Variants in SORCS3 observed in about 807,000 individuals in gnomAD.
SORCS3 encodes sortilin related VPS10 domain containing receptor 3.
SORCS3 carries 57 observed loss-of-function variants against 146.3 expected under a neutral mutation model. The ratio of observed to expected loss-of-function variants is 0.39; its 90% CI spans 0.31 to 0.49. SORCS3 has a LOEUF of 0.49. Ranked by LOEUF, SORCS3 falls within the 20% of genes least tolerant of loss-of-function variation. SORCS3 has a pLI of 0.92. For missense variants in SORCS3, 1,341 were observed against 1,575.5 expected (o/e 0.85, Z 2.52); for synonymous variants, 653 against 618.5 (o/e 1.06, Z -0.83).
At chr10:104,725,668 G>A (rs1294595567) in intron 1 of SORCS3, among the ~76,000 whole-genome samples, 3 of 152,032 alleles carry the variant, frequency 2.0e-5, no homozygotes, top group African/African-American at 4.8e-5. Flanking sequence ...CTCAAGCCTC[G>A]GCAATGGCGG....
chr10:104,946,539 G>A (rs375529477), intron 3 of SORCS3, among the ~76,000 whole-genome samples: 3 of 152,176 alleles, frequency 2.0e-5, no homozygotes, highest in African/African-American at 7.2e-5. Context: ...AGGAGGCAGG[G>A]CACACAAAAC....
At chr10:104,670,145 G>T (rs1589452517) in intron 1 of SORCS3, among the ~76,000 whole-genome samples, 1 of 151,976 alleles carries the variant, frequency 6.6e-6, no homozygotes, top group East Asian at 1.9e-4. Context: ...TGTATGATTT[G>T]CAAATATTTT....
chr10:104,815,703 T>C (rs2017790024), intron 1 of SORCS3, among the ~76,000 whole-genome samples: 1 of 152,072 alleles, frequency 6.6e-6, no homozygotes, highest in Non-Finnish European at 1.5e-5. Flanking sequence ...GCAAAATCAA[T>C]ACATAAAACA....
chr10:104,860,964 G>A (rs908029079), intron 2 of SORCS3, among the ~76,000 whole-genome samples: 13 of 152,152 alleles, frequency 8.5e-5, no homozygotes, highest in African/African-American at 3.1e-4. Context: ...GAAGACCCAG[G>A]TGCAAAGCCT....
intron 3 of SORCS3, among the ~76,000 whole-genome samples, chr10:104,920,507 C>G (rs1057279106): frequency 1.3e-5 from 2 of 152,178 alleles, no homozygotes; most frequent in African/African-American, 4.8e-5. Context: ...AGAGTTTTAT[C>G]CACATGATCT....
chr10:104,919,831 C>CA (rs1166444345), intron 3 of SORCS3, among the ~76,000 whole-genome samples: 1 of 152,184 alleles, frequency 6.6e-6, no homozygotes, highest in Admixed American at 6.5e-5. Context: ...TTGATGTTGA[C>CA]AGTGCACACG....
Position 104,651,551 on chromosome 10 carries a change from A to AG in SORCS3, c.627+9597_627+9598insG, listed in dbSNP as rs993429186. The stretch of plus-strand genomic sequence containing the variant: ...GCTCTACTAAAAAAAAAAAAAAAAA[A>AG]AAACACAAAAATTAGCTGGTGGCAC... On this transcript the variant is annotated intron_variant, in intron 1 of 26. Coordinates refer to ENST00000369701, the MANE Select transcript of SORCS3 (RefSeq NM_014978.3). Among the ~76,000 whole-genome samples, 47 of 151,094 alleles carry AG rather than the reference A, an allele frequency of 3.1e-4. No individual in the cohort carries two copies. In the South Asian group the frequency reaches 3.4e-3, roughly 11 times the overall value.
At chr10:105,176,067 T>C (rs2056399411) in intron 13 of SORCS3, among the ~76,000 whole-genome samples, 1 of 152,294 alleles carries the variant, frequency 6.6e-6, no homozygotes, top group African/African-American at 2.4e-5. Flanking sequence ...ACCCAACTTA[T>C]GAGTGCCAGT....
chr10:105,204,052 C>T (rs1268297758), intron 16 of SORCS3, among the ~76,000 whole-genome samples: 1 of 152,082 alleles, frequency 6.6e-6, no homozygotes, highest in African/African-American at 2.4e-5. Context: ...CTGTCAGAAT[C>T]CATCTATAAG....
intron 2 of SORCS3, 104 bp from the exon 3 acceptor site, chr10:104,915,729 G>A: frequency 1.1e-6 from 1 of 902,222 alleles, no homozygotes; most frequent in South Asian, 1.4e-5. Flanking sequence ...TATGATTCGG[G>A]AAGAAAGGTG....
intron 5 of SORCS3, among the ~76,000 whole-genome samples, chr10:105,082,383 A>G (rs2055631750): frequency 6.6e-6 from 1 of 152,232 alleles, no homozygotes; most frequent in African/African-American, 2.4e-5. Context: ...ACAGGCAGGA[A>G]AGTATATTAG....
In SORCS3 at chr10:105,139,446, C is replaced by G. The variant is rs781420131; in HGVS notation, c.1262C>G (p.Ala421Gly). The change falls in exon 8 of 27, where the codon GCC becomes GGC. Residue 421 changes from alanine to glycine, a missense_variant. By Grantham distance (60) the Ala-to-Gly change is moderately conservative (BLOSUM62 0). Transcript: ENST00000369701. ...TACTACGTGTCTTATCGAAGAGAGGCCTTTGCTCAGATAAAGCTGCCTAAG... is the reference window on the plus strand; with the variant it reads ...TACTACGTGTCTTATCGAAGAGAGGGCTTTGCTCAGATAAAGCTGCCTAAG... ...ASYYVSYRRE[A>G]FAQIKLPKYS... The G allele has an allele frequency of 1.9e-6, 3 of 1,613,482 alleles. No individual in the cohort carries two copies. The highest frequency in any genetic ancestry group is 1.7e-6 in the Non-Finnish European group (2 of 1,179,652).
intron 1 of SORCS3, among the ~76,000 whole-genome samples, chr10:104,804,905 C>T (rs574703633): frequency 1.2e-4 from 19 of 152,192 alleles, no homozygotes; most frequent in Non-Finnish European, 2.6e-4. Flanking sequence ...GCTAGATACT[C>T]TGAGGTTTCA....
In SORCS3 at chr10:104,867,826, G is replaced by C. The variant is rs916438676; in HGVS notation, c.695+24967G>C. On this transcript the variant is annotated intron_variant, in intron 2 of 26. Transcript: ENST00000369701. ...GTGAGTGAAGATAGTGTTTGCTGTG[G>C]CTCATTTCAATGTGGTACAGAGATA... Among the ~76,000 whole-genome samples the C allele has an allele frequency of 2.6e-5, 4 of 152,154 alleles. No homozygotes were observed. In the East Asian group the frequency reaches 7.7e-4, roughly 29 times the overall value.
At chr10:105,028,086 T>C (rs1340156428) in intron 4 of SORCS3, among the ~76,000 whole-genome samples, 1 of 152,214 alleles carries the variant, frequency 6.6e-6, no homozygotes, top group African/African-American at 2.4e-5. Context: ...TTATAGATCA[T>C]AACTACCACA....
chr10:105,242,064 C>T (rs2056826742), intron 20 of SORCS3, among the ~76,000 whole-genome samples: 1 of 151,870 alleles, frequency 6.6e-6, no homozygotes, highest in South Asian at 2.1e-4. Context: ...GTACCCGCCC[C>T]TATCTGCCTA....
chr10:105,096,455 A>G (rs2055747431), intron 6 of SORCS3, among the ~76,000 whole-genome samples: 1 of 152,192 alleles, frequency 6.6e-6, no homozygotes, highest in Non-Finnish European at 1.5e-5. Flanking sequence ...GATAAAAAGG[A>G]CACAATCAGC....
chr10:104,992,151 C>CA (rs2054998310), intron 4 of SORCS3, among the ~76,000 whole-genome samples: 1 of 151,966 alleles, frequency 6.6e-6, no homozygotes, highest in South Asian at 2.1e-4. Flanking sequence ...GGGGAGGGAG[C>CA]AGGGGGTAGG....
chr10:105,048,451 C>T (rs1203973279), intron 5 of SORCS3, among the ~76,000 whole-genome samples: 7 of 149,228 alleles, frequency 4.7e-5, no homozygotes, highest in Non-Finnish European at 7.4e-5. Context: ...AACCAAACAC[C>T]GCATGTTCTC....
Sources: allele counts gnomAD v4.1 joint callset (sites outside exome capture counted in the v4.1 genomes callset), GRCh38; gene constraint gnomAD v4.1.1; transcripts MANE v1.5; gene names NCBI Gene and HGNC (gene_info 2026-07-23, HGNC 2026-07-21).